The following M1AP variants were observed in gnomAD, a reference collection of about 807,000 sequenced individuals.
M1AP encodes meiosis 1 associated protein.
M1AP carries 39 observed loss-of-function variants against 51.2 expected under a neutral mutation model. The ratio of observed to expected loss-of-function variants is 0.76; its 90% CI spans 0.59 to 1.00. The LOEUF is 1.00. M1AP is among the 50% of genes least tolerant of loss of function. M1AP has a pLI of 0.00. For missense variants in M1AP, 545 were observed against 641.2 expected, an observed-to-expected ratio of 0.85 and a Z score of 1.62; for synonymous variants, 251 against 249.2, an observed-to-expected ratio of 1.01 and a Z score of -0.07.
intron 4 of M1AP, among the ~76,000 whole-genome samples, chr2:74,598,723 C>T (rs1450126086): frequency 1.3e-5 from 2 of 149,652 alleles, no homozygotes; most frequent in Non-Finnish European, 3.0e-5. Flanking sequence ...CGCCCGGGCT[C>T]AAGTCTCCTG....
chr2:74,567,286 C>T (rs1678453012), intron 7 of M1AP, among the ~76,000 whole-genome samples: 1 of 152,162 alleles, frequency 6.6e-6, no homozygotes, highest in Admixed American at 6.5e-5. Context: ...TAGATAAGCT[C>T]ACAGAAATAC....
chr2:74,576,707 GACA>G (rs1679097018), intron 5 of M1AP, 89 bp from the exon 6 acceptor site: 1 of 1,424,728 alleles, frequency 7.0e-7, no homozygotes, highest in East Asian at 2.3e-5. Flanking sequence ...GCCATTAAGA[GACA>G]ACATCTGCTA....
intron 4 of M1AP, among the ~76,000 whole-genome samples, chr2:74,604,359 G>A (rs969098731): frequency 4.6e-5 from 7 of 152,082 alleles, no homozygotes; most frequent in Non-Finnish European, 8.8e-5. Flanking sequence ...TTGGCATGAC[G>A]GGCTGGTTTC....
intron 4 of M1AP, among the ~76,000 whole-genome samples, chr2:74,583,174 G>A (rs1342313159): frequency 6.6e-6 from 1 of 151,896 alleles, no homozygotes; most frequent in Non-Finnish European, 1.5e-5. Context: ...GAACAAAGGG[G>A]ACTTCAGCTT....
intron 5 of M1AP, among the ~76,000 whole-genome samples, chr2:74,580,914 T>C (rs1053422555): frequency 2.6e-5 from 4 of 152,120 alleles, no homozygotes; most frequent in African/African-American, 9.7e-5. Context: ...TTTCCCAACC[T>C]CAGTGTGGCT....
At chr2:74,617,888 G>A (rs889559032) in intron 2 of M1AP, among the ~76,000 whole-genome samples, 3 of 152,114 alleles carry the variant, frequency 2.0e-5, no homozygotes, top group Admixed American at 1.3e-4. Flanking sequence ...TGGCAATGCC[G>A]AATCTGCAAA....
chr2:74,561,091 A>AGGAGGAGGAGGAGGAGG (rs1677909260), intron 8 of M1AP, among the ~76,000 whole-genome samples: 1 of 47,868 alleles, frequency 2.1e-5, no homozygotes, highest in African/African-American at 8.5e-5. Context: ...GGAGGAGGAG[A>AGGAGGAGGAGGAGGAGG]AGGAGAAGGA....
intron 3 of M1AP, 121 bp from the exon 4 acceptor site, chr2:74,607,344 G>C (rs764285333): frequency 4.2e-6 from 4 of 952,782 alleles, no homozygotes; most frequent in Non-Finnish European, 6.3e-6. Context: ...ATTATGTTTA[G>C]TGCAAAAAGG....
chr2:74,580,942 G>T (rs945108554), intron 5 of M1AP, among the ~76,000 whole-genome samples: 1 of 152,070 alleles, frequency 6.6e-6, no homozygotes, highest in Non-Finnish European at 1.5e-5. Context: ...CTGATAGATG[G>T]GCCCATCTAT....
intron 7 of M1AP, chr2:74,575,215 T>G (rs758272791): frequency 3.5e-6 from 3 of 861,932 alleles, no homozygotes; most frequent in South Asian, 5.3e-5. Flanking sequence ...TCGGGGATTT[T>G]CAAGTTTAGT....
intron 2 of M1AP, among the ~76,000 whole-genome samples, chr2:74,629,514 A>G (rs1682583805): frequency 6.6e-6 from 1 of 152,150 alleles, no homozygotes; most frequent in South Asian, 2.1e-4. Context: ...GCACTTTGGG[A>G]GGCCCAAGTG....
intron 7 of M1AP, among the ~76,000 whole-genome samples, chr2:74,565,039 G>A (rs1344830910): frequency 6.6e-6 from 1 of 152,112 alleles, no homozygotes; most frequent in African/African-American, 2.4e-5. Context: ...TGGCCAACAT[G>A]GTGAAACCCG....
At chr2:74,575,894 A>G (rs1463239382) in intron 6 of M1AP, among the ~76,000 whole-genome samples, 4 of 152,162 alleles carry the variant, frequency 2.6e-5, no homozygotes, top group Non-Finnish European at 4.4e-5. Flanking sequence ...TTGCTCTGTT[A>G]CCTAGGCTGG....
rs1682728626 is a variant in M1AP at position 74,631,892 on chromosome 2, TC to T, written c.240+8143del. Among the ~76,000 whole-genome samples, 6 of 152,226 alleles carry T rather than the reference TC, an allele frequency of 3.9e-5. No homozygotes were observed. In the South Asian group the frequency reaches 1.2e-3, roughly 31 times the overall value. ...TGAGGTATTCATTCTGAGTAAGATT[TC>T]CCACATGGTATCTTTCTCCATTTAT... On this transcript the variant is annotated intron_variant, in intron 2 of 10. Coordinates refer to ENST00000421985, the MANE Select transcript of M1AP (RefSeq NM_001321739.2).
intron 7 of M1AP, among the ~76,000 whole-genome samples, chr2:74,575,074 G>A (rs921779029): frequency 6.6e-6 from 1 of 152,184 alleles, no homozygotes; most frequent in Non-Finnish European, 1.5e-5. Flanking sequence ...TTGACACAAT[G>A]TCTGGCATAG....
intron 4 of M1AP, among the ~76,000 whole-genome samples, chr2:74,594,062 T>C (rs1680190012): frequency 1.3e-5 from 2 of 152,214 alleles, no homozygotes; most frequent in Admixed American, 1.3e-4. Context: ...AAGCAGCTTA[T>C]AGTTTAGGCT....
In M1AP at chr2:74,607,045, A is replaced by C. The variant is rs78958781; in HGVS notation, c.595+10T>G. On this transcript the variant is annotated intron_variant, in intron 4 of 10. Coordinates refer to ENST00000421985, the MANE Select transcript of M1AP (RefSeq NM_001321739.2). ...TTACAATTCTTTTTACCTTGTTAAA[A>C]AATTCTTACCATCATTGCTGGTATC... The C allele has an allele frequency of 1.3e-3, 2,057 of 1,612,556 alleles. 24 individuals are homozygous for C. The African/African-American group carries it at 0.024, about 19-fold the overall frequency.
chr2:74,616,583 TTTTATTGATCATCCCATCA>T (rs1268774549), intron 2 of M1AP, among the ~76,000 whole-genome samples: 1 of 152,196 alleles, frequency 6.6e-6, no homozygotes. Context: ...CTTGGCAACC[TTTTATTGATCATCCCATCA>T]TACTTCTCTG....
intron 4 of M1AP, among the ~76,000 whole-genome samples, chr2:74,589,927 C>T (rs1242966688): frequency 6.6e-6 from 1 of 152,214 alleles, no homozygotes; most frequent in Non-Finnish European, 1.5e-5. Context: ...TTGGGCCACA[C>T]ATAAAATGCA....
Sources: gnomAD v4.1 joint callset for allele counts (sites outside exome capture counted in the v4.1 genomes callset) on GRCh38, gnomAD v4.1.1 for gene constraint, MANE v1.5 for transcripts, NCBI Gene and HGNC (gene_info 2026-07-23, HGNC 2026-07-21) for gene names.